CSMD1: variants seen among roughly 807,000 people sequenced by gnomAD.
The protein encoded by CSMD1 is CUB and sushi domain-containing protein 1.
In CSMD1, 213 loss-of-function variants were observed where a neutral mutation model predicts 417.5. That is an observed-to-expected ratio of 0.51 (90% CI 0.46 to 0.57). The LOEUF is 0.57. CSMD1 is among the 20% of genes least tolerant of loss of function. The probability of loss-of-function intolerance (pLI) is 0.00; values close to 1 mark genes in which losing one functional copy is unlikely to be tolerated. For missense variants in CSMD1, 6,923 were observed against 4,529.7 expected (o/e 1.53, Z -15.17); for synonymous variants, 2,862 against 1,736.8 (o/e 1.65, Z -16.11).
At chr8:4,951,315 C>G (rs148996484) in intron 1 of CSMD1, among the ~76,000 whole-genome samples, 2 of 152,196 alleles carry the variant, frequency 1.3e-5, no homozygotes, top group Non-Finnish European at 2.9e-5. Flanking sequence ...GAACTGCGGA[C>G]TTCACAAACC....
At chr8:3,569,193 T>A (rs980246144) in intron 10 of CSMD1, among the ~76,000 whole-genome samples, 18 of 152,186 alleles carry the variant, frequency 1.2e-4, no homozygotes, top group Non-Finnish European at 1.0e-4. Flanking sequence ...ACTTCCTGAA[T>A]AGAAAATGCT....
chr8:3,461,075 C>A (rs1816470515), intron 12 of CSMD1, among the ~76,000 whole-genome samples: 1 of 152,212 alleles, frequency 6.6e-6, no homozygotes, highest in Admixed American at 6.5e-5. Flanking sequence ...GACTCTTTCC[C>A]TTGCATGGGC....
intron 3 of CSMD1, among the ~76,000 whole-genome samples, chr8:4,369,404 G>A (rs542663141): frequency 7.2e-5 from 11 of 152,304 alleles, no homozygotes; most frequent in Non-Finnish European, 1.6e-4. Context: ...CAGGTAAGAA[G>A]AAAGTATATT....
intron 18 of CSMD1, among the ~76,000 whole-genome samples, chr8:3,381,270 GA>G (rs11439047): frequency 1.2e-4 from 17 of 145,728 alleles, no homozygotes; most frequent in Admixed American, 4.1e-4. Context: ...CTACCCACAT[GA>G]AAAAAAAAAG....
At chr8:4,800,242 G>C (rs76281092) in intron 1 of CSMD1, among the ~76,000 whole-genome samples, 3 of 151,952 alleles carry the variant, frequency 2.0e-5, no homozygotes, top group South Asian at 2.1e-4. Context: ...AGTTGGAGAC[G>C]AGACTAGCAA....
At chr8:3,572,480 G>C (rs1799986401) in intron 10 of CSMD1, among the ~76,000 whole-genome samples, 1 of 152,126 alleles carries the variant, frequency 6.6e-6, no homozygotes, top group African/African-American at 2.4e-5. Context: ...CTAATTTTAT[G>C]TAATCTCCAC....
chr8:4,257,958 T>C (rs1017425858), intron 3 of CSMD1, among the ~76,000 whole-genome samples: 4 of 152,144 alleles, frequency 2.6e-5, no homozygotes, highest in Non-Finnish European at 5.9e-5. Flanking sequence ...TTAGAATCTT[T>C]GTCTGCTCAA....
chr8:3,255,607 T>G (rs1483451799), intron 26 of CSMD1, among the ~76,000 whole-genome samples: 1 of 152,192 alleles, frequency 6.6e-6, no homozygotes, highest in Non-Finnish European at 1.5e-5. Flanking sequence ...CCCTGCAGTT[T>G]GATCTCAGAC....
chr8:4,330,070 A>G (rs535963898), intron 3 of CSMD1, among the ~76,000 whole-genome samples: 5 of 152,248 alleles, frequency 3.3e-5, no homozygotes, highest in African/African-American at 9.6e-5. Context: ...GCAGTCTCAT[A>G]TATTTCTTTA....
intron 10 of CSMD1, among the ~76,000 whole-genome samples, chr8:3,500,219 A>T (rs561396509): frequency 5.3e-5 from 8 of 152,168 alleles, no homozygotes; most frequent in African/African-American, 1.9e-4. Flanking sequence ...TCTCCCCTAG[A>T]CACTGCACTT....
Position 4,392,662 on chromosome 8 carries a change from A to AT in CSMD1, c.415+27290dup, listed in dbSNP as rs1272843496. On this transcript the variant is annotated intron_variant, in intron 3 of 69. Transcript: ENST00000635120. The stretch of plus-strand genomic sequence containing the variant: ...GGGGGGGAGGGTTATTATTATTATT[A>AT]TTATTTTTTTTTGAGATGGACTGTG... Among the ~76,000 whole-genome samples, 199 of 139,016 alleles carry AT rather than the reference A, an allele frequency of 1.4e-3. 3 individuals carry two copies. In the East Asian group the frequency reaches 0.017, roughly 12 times the overall value. The allele number at this position is 139,016 out of a possible 152,430, so 91.2% of individuals were successfully genotyped here.
intron 6 of CSMD1, among the ~76,000 whole-genome samples, chr8:3,748,403 G>A (rs761987082): frequency 1.3e-5 from 2 of 152,170 alleles, no homozygotes; most frequent in Non-Finnish European, 2.9e-5. Context: ...CCACTGCCAT[G>A]GAAACAGGCA....
intron 1 of CSMD1, among the ~76,000 whole-genome samples, chr8:4,980,411 C>T (rs1810823120): frequency 6.6e-6 from 1 of 152,098 alleles, no homozygotes; most frequent in Non-Finnish European, 1.5e-5. Context: ...CAGGTCTGGT[C>T]TTGTGTGTGT....
chr8:3,255,241 G>C (rs941672684), intron 26 of CSMD1, among the ~76,000 whole-genome samples: 11 of 152,066 alleles, frequency 7.2e-5, no homozygotes, highest in African/African-American at 2.7e-4. Context: ...GTTTTTCTCA[G>C]GGGTGTACCC....
rs1489613044 is a variant in CSMD1, at chr8:4,312,433, A to ATACGCG, written c.415+107519_415+107520insCGCGTA. Among the ~76,000 whole-genome samples, 41 of 139,836 alleles carry ATACGCG rather than the reference A, an allele frequency of 2.9e-4. 8 individuals are homozygous for ATACGCG. The highest frequency in any genetic ancestry group is 1.2e-3 in the African/African-American group (39 of 33,030). 91.7% of individuals were successfully genotyped at this position (139,836 alleles called of 152,430 possible). On this transcript the variant is annotated intron_variant, in intron 3 of 69. Transcript: ENST00000635120. ...CGTGTATATATATGCGCGTATATATATATGCGTATATATATACGTATATAT... is the reference window on the plus strand; with the variant it reads ...CGTGTATATATATGCGCGTATATATATACGCGTATGCGTATATATATACGTATATAT...
intron 2 of CSMD1, among the ~76,000 whole-genome samples, chr8:4,535,377 G>A (rs967636195): frequency 6.6e-6 from 1 of 152,180 alleles, no homozygotes; most frequent in East Asian, 1.9e-4. Flanking sequence ...AGAATAACAA[G>A]TTACTTTTGT....
chr8:4,674,641 AAAAC>A (rs1231547589), intron 1 of CSMD1, among the ~76,000 whole-genome samples: 3 of 152,216 alleles, frequency 2.0e-5, no homozygotes, highest in Non-Finnish European at 4.4e-5. Flanking sequence ...AGTGTTTGGT[AAAAC>A]AAACAAAACA....
intron 26 of CSMD1, among the ~76,000 whole-genome samples, chr8:3,271,814 T>C (rs1801879735): frequency 6.6e-6 from 1 of 152,180 alleles, no homozygotes; most frequent in Admixed American, 6.5e-5. Context: ...GAGTTCATTA[T>C]AGATTGTGGA....
At chr8:4,090,204 T>A (rs1800643115) in intron 3 of CSMD1, among the ~76,000 whole-genome samples, 1 of 152,204 alleles carries the variant, frequency 6.6e-6, no homozygotes. Context: ...AGTACATGAT[T>A]GTCTTAAAAA....
Sources: allele counts gnomAD v4.1 joint callset (sites outside exome capture counted in the v4.1 genomes callset), GRCh38; gene constraint gnomAD v4.1.1; transcripts MANE v1.5; gene names NCBI Gene and HGNC (gene_info 2026-07-23, HGNC 2026-07-21).